Variants in TSPAN18 observed in about 807,000 individuals in gnomAD.
The protein encoded by TSPAN18 is tetraspanin 18, also known as tetraspanin-18.
TSPAN18 carries 14 observed loss-of-function variants against 27.3 expected under a neutral mutation model. The ratio of observed to expected loss-of-function variants is 0.51; its 90% confidence interval spans 0.34 to 0.80. The LOEUF is 0.80. Among genes scored for constraint, TSPAN18 ranks in the 30% least tolerant of loss-of-function variants. The probability of loss-of-function intolerance (pLI) is 0.01; values close to 1 mark genes in which losing one functional copy is unlikely to be tolerated. For synonymous variants in TSPAN18, 143 were observed against 136.5 expected, an observed-to-expected ratio of 1.05 and a Z score of -0.33; for missense variants, 268 against 323.9, an observed-to-expected ratio of 0.83 and a Z score of 1.32.
chr11:44,831,187 G>A (rs11038170), intron 2 of TSPAN18, among the ~76,000 whole-genome samples: 9,791 of 152,194 alleles, frequency 0.064, 1,506 homozygotes, highest in East Asian at 0.58. Flanking sequence ...TGCCAATGGA[G>A]GTAAGATCCA....
At position 44,808,276 on chromosome 11, in the gene TSPAN18, T is replaced by C. The variant is rs530390437; in HGVS notation, c.-153+43764T>C. On this transcript the variant is annotated intron_variant, in intron 2 of 9. Transcript: ENST00000520358. Reference sequence around the variant, plus strand: ...ACAGCTAGAAGAGGTGGTGCGAGGATTGGAAACCTCTACCATCTTCCTCCA... The same window carrying C: ...ACAGCTAGAAGAGGTGGTGCGAGGACTGGAAACCTCTACCATCTTCCTCCA... Among the ~76,000 whole-genome samples, 114 of 152,258 alleles carry C rather than the reference T, an allele frequency of 7.5e-4. 1 individual carries two copies. Among genetic ancestry groups the C allele is most frequent in the African/African-American group, 2.6e-3 (109 of 41,558 alleles).
chr11:44,769,934 G>A (rs1343383031), intron 2 of TSPAN18, among the ~76,000 whole-genome samples: 4 of 152,168 alleles, frequency 2.6e-5, no homozygotes, highest in Admixed American at 2.6e-4. Context: ...CTATCACTAA[G>A]TATCTGAGGC....
intron 2 of TSPAN18, among the ~76,000 whole-genome samples, chr11:44,777,342 G>A (rs989074337): frequency 3.3e-5 from 5 of 152,124 alleles, no homozygotes; most frequent in Non-Finnish European, 5.9e-5. Context: ...CCAAGGTGAG[G>A]CCACCTCATC....
chr11:44,840,678 G>A (rs987632), intron 2 of TSPAN18, among the ~76,000 whole-genome samples: 25,328 of 152,106 alleles, frequency 0.17, 2,693 homozygotes, highest in African/African-American at 0.3. Context: ...TTGATGGTGC[G>A]CAAAACACAC....
chr11:44,779,522 AT>A, intron 2 of TSPAN18, among the ~76,000 whole-genome samples: 1 of 152,216 alleles, frequency 6.6e-6, no homozygotes. Context: ...TGTGGGTGAA[AT>A]TCATCAATCT....
chr11:44,914,944 C>T (rs544572179), intron 5 of TSPAN18, among the ~76,000 whole-genome samples: 72 of 152,312 alleles, frequency 4.7e-4, no homozygotes, highest in African/African-American at 1.6e-3. Context: ...CATGTCATGC[C>T]GGTCTTGCGA....
rs573528927 is a variant in TSPAN18, at chr11:44,796,992, C to A, written c.-153+32480C>A. Among the ~76,000 whole-genome samples, 4 of 152,280 alleles carry A rather than the reference C, an allele frequency of 2.6e-5. No individual in the cohort carries two copies. The South Asian group carries it at 8.3e-4, about 32-fold the overall frequency. ...AGAACATTGTCCTGACTCTGAGTAG[C>A]ATCCTCACCCAACTTCAGGTATTAC... On this transcript the variant is annotated intron_variant, in intron 2 of 9. Transcript: ENST00000520358.
intron 2 of TSPAN18, among the ~76,000 whole-genome samples, chr11:44,847,406 A>G (rs1171182016): frequency 2.6e-5 from 4 of 152,240 alleles, no homozygotes; most frequent in African/African-American, 4.8e-5. Context: ...AAAATTAGCC[A>G]TCTTAAAGTG....
intron 2 of TSPAN18, among the ~76,000 whole-genome samples, chr11:44,840,376 G>A (rs1857349171): frequency 6.6e-6 from 1 of 152,194 alleles, no homozygotes; most frequent in African/African-American, 2.4e-5. Context: ...AAAAGAGGAA[G>A]CAACATTTTC....
At chr11:44,890,287 A>G (rs1026590158) in intron 3 of TSPAN18, among the ~76,000 whole-genome samples, 23 of 152,260 alleles carry the variant, frequency 1.5e-4, no homozygotes, top group Non-Finnish European at 2.2e-4. Context: ...GAAACATATT[A>G]TAACTTCACT....
chr11:44,818,492 C>A (rs1349974223), intron 2 of TSPAN18, among the ~76,000 whole-genome samples: 1 of 152,168 alleles, frequency 6.6e-6, no homozygotes, highest in African/African-American at 2.4e-5. Context: ...TCCAGCTGAT[C>A]AGGGCAGATG....
Position 44,812,130 on chromosome 11 carries a change from G to A in TSPAN18, c.-153+47618G>A, listed in dbSNP as rs370255689. 2.2e-4 allele frequency among the ~76,000 whole-genome samples: 34 copies of A among 152,292 alleles called. No individual in the cohort carries two copies. The South Asian group carries it at 3.9e-3, about 18-fold the overall frequency. Reference sequence around the variant, plus strand: ...GGCCTGCAAGCTGGGGGCATCCTCCGTCCTGTACAGCCAGGCAGGTCTAAC... The same window carrying A: ...GGCCTGCAAGCTGGGGGCATCCTCCATCCTGTACAGCCAGGCAGGTCTAAC... On this transcript the variant is annotated intron_variant, in intron 2 of 9. Transcript: ENST00000520358.
In TSPAN18 at chr11:44,919,520, T is replaced by C. The variant is rs140104769; in HGVS notation, c.432+208T>C. ...ATGAAACCTGTTTGCTCTCCCTGTC[T>C]TGGGTCCCCAAGCAATGGTCATTAT... On this transcript the variant is annotated intron_variant, in intron 7 of 9. Transcript: ENST00000520358. 4.8e-6 allele frequency: 3 copies of C among 620,508 alleles called. No individual in the cohort carries two copies. In the African/African-American group the frequency reaches 5.5e-5, roughly 11 times the overall value. The allele number at this position is 620,508 out of a possible 1,614,324, so 38.4% of individuals were successfully genotyped here. A position where few individuals can be genotyped will look rare whatever the true frequency, so the allele number is the denominator to read the frequency against.
Position 44,880,302 on chromosome 11 carries a change from C to T in TSPAN18, c.-11+19833C>T, listed in dbSNP as rs559327052. Among the ~76,000 whole-genome samples the T allele has an allele frequency of 2.8e-4, 42 of 152,292 alleles. No individual in the cohort carries two copies. The East Asian group carries it at 4.4e-3, about 16-fold the overall frequency. On this transcript the variant is annotated intron_variant, in intron 3 of 9. Coordinates refer to ENST00000520358, the MANE Select transcript of TSPAN18 (RefSeq NM_130783.5). The stretch of plus-strand genomic sequence containing the variant: ...GGCAGCCTTGGTGCCAGGTCCCATA[C>T]GCAGGGCTGGAAGCTGTGCCAGTTC...
chr11:44,746,556 G>A (rs1320152967), intron 1 of TSPAN18, among the ~76,000 whole-genome samples: 1 of 152,114 alleles, frequency 6.6e-6, no homozygotes, highest in Non-Finnish European at 1.5e-5. Context: ...GAGTTCAAGA[G>A]CAGCCTGGAC....
chr11:44,737,077 T>C (rs1393708920), intron 1 of TSPAN18, among the ~76,000 whole-genome samples: 1 of 152,240 alleles, frequency 6.6e-6, no homozygotes, highest in Non-Finnish European at 1.5e-5. Flanking sequence ...AAATGGATGA[T>C]TGAATGGGTA....
At chr11:44,872,944 G>C (rs947593035) in intron 3 of TSPAN18, among the ~76,000 whole-genome samples, 1 of 152,206 alleles carries the variant, frequency 6.6e-6, no homozygotes, top group Non-Finnish European at 1.5e-5. Flanking sequence ...TGAGTGTTCC[G>C]ACAGGGCAGA....
intron 3 of TSPAN18, among the ~76,000 whole-genome samples, chr11:44,890,673 C>T (rs775803533): frequency 1.3e-4 from 18 of 143,494 alleles, no homozygotes; most frequent in Non-Finnish European, 2.2e-4. Context: ...CCAGCCTGGG[C>T]GGAACCCAGG....
intron 2 of TSPAN18, among the ~76,000 whole-genome samples, chr11:44,797,950 A>C (rs1263350959): frequency 1.3e-5 from 2 of 152,200 alleles, no homozygotes; most frequent in Non-Finnish European, 2.9e-5. Context: ...TGTTGGGTCA[A>C]ATAAAGGCTC....
Sources: gnomAD v4.1 joint callset for allele counts (sites outside exome capture counted in the v4.1 genomes callset) on GRCh38, gnomAD v4.1.1 for gene constraint, MANE v1.5 for transcripts, NCBI Gene and HGNC (gene_info 2026-07-23, HGNC 2026-07-21) for gene names.